SRC: variants seen among roughly 807,000 people sequenced by gnomAD.
SRC encodes the protein SRC proto-oncogene, non-receptor tyrosine kinase.
Under a neutral mutation model 62.9 loss-of-function variants are expected in SRC, and 13 were observed. That is an observed-to-expected ratio of 0.21 (90% CI 0.13 to 0.33). The LOEUF (loss-of-function observed/expected upper bound fraction) is 0.33, where lower values mean the gene tolerates loss of function less well. Ranked by LOEUF, SRC falls within the 10% of genes least tolerant of loss-of-function variation. The pLI is 1.00. For synonymous variants in SRC, 302 were observed against 317.5 expected (o/e 0.95, Z 0.52); for missense variants, 457 against 737.3 (o/e 0.62, Z 4.40).
intron 1 of SRC, among the ~76,000 whole-genome samples, chr20:37,352,097 T>C (rs2069811709): frequency 6.6e-6 from 1 of 152,192 alleles, no homozygotes; most frequent in Admixed American, 6.5e-5. Context: ...TGGGTTCAAA[T>C]CGTGGCTTGG....
chr20:37,386,517 C>A, intron 5 of SRC: 1 of 689,284 alleles, frequency 1.5e-6, no homozygotes. Flanking sequence ...GGGCGGGGTG[C>A]TTCGCGGGGG....
rs145187730 is a variant in SRC at position 37,402,613 on chromosome 20, C to T, written c.1270+25C>T. 4.1e-4 allele frequency: 647 copies of T among 1,597,396 alleles called. 2 individuals carry two copies. Among genetic ancestry groups the T allele is most frequent in the African/African-American group, 1.4e-3 (105 of 74,664 alleles). ...GGTGGGCAGGGGCTGTGTGGTATGTCGCGCTTGGCCTGGGACAGGTCACGT... is the reference window on the plus strand; with the variant it reads ...GGTGGGCAGGGGCTGTGTGGTATGTTGCGCTTGGCCTGGGACAGGTCACGT... On this transcript the variant is annotated intron_variant, in intron 12 of 13. Coordinates refer to ENST00000373578, the MANE Select transcript of SRC (RefSeq NM_198291.3). This position sits in a 1 kb window ranked among gnomAD's most constrained non-coding sequence, Gnocchi z 6.2.
chr20:37,388,893 C>T (rs2070498061), intron 5 of SRC, among the ~76,000 whole-genome samples: 1 of 152,100 alleles, frequency 6.6e-6, no homozygotes, highest in Admixed American at 6.5e-5. Flanking sequence ...TCCCGGGGAC[C>T]CGCCTGCATG....
At chr20:37,376,546 C>T (rs1267886073) in intron 2 of SRC, among the ~76,000 whole-genome samples, 1 of 152,184 alleles carries the variant, frequency 6.6e-6, no homozygotes, top group East Asian at 1.9e-4. Flanking sequence ...TCTTGTTGCC[C>T]AGGCTGGAGT....
chr20:37,391,993 T>C (rs2070558005), intron 5 of SRC, among the ~76,000 whole-genome samples: 1 of 152,208 alleles, frequency 6.6e-6, no homozygotes, highest in South Asian at 2.1e-4. Context: ...CAGGGTGGCC[T>C]TGGGGGTCAG....
intron 1 of SRC, among the ~76,000 whole-genome samples, chr20:37,357,331 C>T (rs761404371): frequency 6.6e-5 from 10 of 152,188 alleles, no homozygotes; most frequent in Non-Finnish European, 1.0e-4. Flanking sequence ...GCTGTGAGCT[C>T]GGATGGGCCC....
chr20:37,365,329 C>CACAT (rs200644568), intron 2 of SRC, 52 bp downstream of exon 2: 5,231 of 119,320 alleles, frequency 0.044, 150 homozygotes, highest in Non-Finnish European at 0.054. Flanking sequence ...AACACACACA[C>CACAT]ACACACACAC....
chr20:37,400,297 G>A lies in SRC; in HGVS notation c.1039+3G>A. Reference sequence around the variant, plus strand: ...CGTCACGGAGTACATGAGCAAGGGTGAGTCCTGGGCGGCCGGGGCAGGGGG... The same window carrying A: ...CGTCACGGAGTACATGAGCAAGGGTAAGTCCTGGGCGGCCGGGGCAGGGGG... On this transcript the variant is annotated splice_donor_region_variant and intron_variant, in intron 10 of 13. Transcript: ENST00000373578. The A allele has an allele frequency of 1.9e-6, 3 of 1,608,778 alleles. No individual in the cohort carries two copies. Among genetic ancestry groups the A allele is most frequent in the Non-Finnish European group, 2.6e-6 (3 of 1,176,298 alleles).
intron 5 of SRC, chr20:37,393,674 A>G: frequency 5.4e-6 from 3 of 557,208 alleles, no homozygotes; most frequent in African/African-American, 1.9e-5. Flanking sequence ...GACAAAGTCC[A>G]TCTGATCCAG....
chr20:37,384,534 T>C lies in SRC; in HGVS notation c.250+131T>C, dbSNP rs2070417629. On this transcript the variant is annotated intron_variant, in intron 4 of 13. Transcript: ENST00000373578. This position sits in a 1 kb window ranked among gnomAD's most constrained non-coding sequence, Gnocchi z 6.7. ...GCCAGGGGTAGCGCCCCTGGGTGAC[T>C]TGGGTGTCCGGGGGGTGGGGGGGCG... 2 of 924,382 alleles carry C rather than the reference T, an allele frequency of 2.2e-6. No homozygotes were observed. Among genetic ancestry groups the C allele is most frequent in the African/African-American group, 2.0e-5 (1 of 50,050 alleles). 57.3% of individuals were successfully genotyped at this position (924,382 alleles called of 1,614,324 possible).
chr20:37,349,761 C>T (rs976566462), intron 1 of SRC, among the ~76,000 whole-genome samples: 3 of 152,154 alleles, frequency 2.0e-5, no homozygotes, highest in Non-Finnish European at 2.9e-5. Flanking sequence ...CAGCCAAGGC[C>T]GCCAATGTGC....
At chr20:37,401,555 G>A (rs1246160747) in intron 10 of SRC, 47 bp from the exon 11 acceptor site, 2 of 1,500,900 alleles carry the variant, frequency 1.3e-6, no homozygotes, top group Non-Finnish European at 1.8e-6. Context: ...ACTGCATCCT[G>A]GCAGAGGGAC....
intron 2 of SRC, among the ~76,000 whole-genome samples, chr20:37,368,803 G>C (rs1377647243): frequency 1.3e-5 from 2 of 151,582 alleles, no homozygotes; most frequent in Non-Finnish European, 2.9e-5. Context: ...CGCCCGCCTC[G>C]GCCTCCCAAA....
intron 6 of SRC, 59 bp downstream of exon 6, chr20:37,394,052 G>C: frequency 1.3e-6 from 2 of 1,575,656 alleles, no homozygotes; most frequent in Non-Finnish European, 1.7e-6. Flanking sequence ...GGTGCAGAGT[G>C]CCTCTCCTGG....
At chr20:37,392,377 G>A (rs2070565262) in intron 5 of SRC, among the ~76,000 whole-genome samples, 1 of 152,276 alleles carries the variant, frequency 6.6e-6, no homozygotes, top group Middle Eastern at 3.4e-3. Context: ...TCTTCTATAT[G>A]GGCTGAAGAA....
At chr20:37,386,566 T>C in intron 5 of SRC, 1 of 697,086 alleles carries the variant, frequency 1.4e-6, no homozygotes, top group Non-Finnish European at 2.6e-6. Context: ...ACTCCCTGCC[T>C]GTGATCTCTG....
chr20:37,396,933 C>G lies in SRC; in HGVS notation c.703+622C>G, dbSNP rs1040711434. On this transcript the variant is annotated intron_variant, in intron 8 of 13. Transcript: ENST00000373578. The surrounding 1 kb of genome is among the most constrained non-coding windows in gnomAD (Gnocchi z 6.1). ...GTCCACTCCCCACCCCGAGCCTCCT[C>G]CTCCTCTCAGCTTGGCCTCCTGACT... Among the ~76,000 whole-genome samples the G allele has an allele frequency of 6.6e-6, 1 of 152,110 alleles. No homozygotes were observed. Among genetic ancestry groups the G allele is most frequent in the Non-Finnish European group, 1.5e-5 (1 of 68,008 alleles).
At position 37,402,345 on chromosome 20, in the gene SRC, G is replaced by GGGT. The variant is rs1201704974; in HGVS notation, c.1117-86_1117-84dup. ...AAGAAGTGTGGGGAGGGTGGGGAAG[G>GGGT]GGTGGTTGGCTCTCCAGCCCCAGAG... On this transcript the variant is annotated intron_variant, in intron 11 of 13. Coordinates refer to ENST00000373578, the MANE Select transcript of SRC (RefSeq NM_198291.3). The surrounding 1 kb of genome is among the most constrained non-coding windows in gnomAD (Gnocchi z 6.2). The GGGT allele has an allele frequency of 6.7e-7, 1 of 1,501,848 alleles. No homozygotes were observed. The highest frequency in any genetic ancestry group is 9.0e-7 in the Non-Finnish European group (1 of 1,108,814). The allele number at this position is 1,501,848 out of a possible 1,614,324, so 93.0% of individuals were successfully genotyped here.
intron 10 of SRC, 65 bp downstream of exon 10, chr20:37,400,359 C>T (rs976339156): frequency 7.2e-7 from 1 of 1,394,156 alleles, no homozygotes; most frequent in South Asian, 1.5e-5. Context: ...GCATGAGCCT[C>T]ATTTCCTCTC....
Sources: allele counts gnomAD v4.1 joint callset (sites outside exome capture counted in the v4.1 genomes callset), GRCh38; gene constraint gnomAD v4.1.1; non-coding constraint Gnocchi (gnomAD v3.1); transcripts MANE v1.5; gene names NCBI Gene and HGNC (gene_info 2026-07-23, HGNC 2026-07-21).